EGFLAM: variants seen among roughly 807,000 people sequenced by gnomAD.
EGFLAM encodes the protein EGF like, fibronectin type III and laminin G domains, also known as pikachurin.
A neutral mutation model predicts 113.1 loss-of-function variants in EGFLAM; 79 were observed. That is an observed-to-expected ratio of 0.70 (90% CI 0.58 to 0.84). The LOEUF (loss-of-function observed/expected upper bound fraction) is 0.84, where lower values mean the gene tolerates loss of function less well. Among genes scored for constraint, EGFLAM ranks in the 40% least tolerant of loss-of-function variants. The pLI is 0.00. For missense variants in EGFLAM, 1,265 were observed against 1,291.6 expected (o/e 0.98, Z 0.32); for synonymous variants, 504 against 487.6 (o/e 1.03, Z -0.44).
chr5:38,448,258 A>G, intron 17 of EGFLAM, 43 bp from the exon 18 acceptor site: 3 of 1,608,548 alleles, frequency 1.9e-6, no homozygotes, highest in Admixed American at 1.7e-5. Flanking sequence ...AGGGGTCAAG[A>G]GAACCACATA....
intron 6 of EGFLAM, chr5:38,403,508 A>G (rs943199480): frequency 1.2e-5 from 3 of 241,876 alleles, no homozygotes; most frequent in Admixed American, 4.6e-5. Context: ...GGTTACTGGA[A>G]CATAAGCACT....
intron 3 of EGFLAM, among the ~76,000 whole-genome samples, chr5:38,347,238 G>T (rs530449534): frequency 8.5e-5 from 13 of 152,252 alleles, no homozygotes; most frequent in African/African-American, 2.9e-4. Flanking sequence ...ATCTTGGCTT[G>T]ATTTCTTTCT....
At chr5:38,385,485 G>T (rs1579851323) in intron 6 of EGFLAM, among the ~76,000 whole-genome samples, 1 of 152,110 alleles carries the variant, frequency 6.6e-6, no homozygotes, top group East Asian at 1.9e-4. Flanking sequence ...AGGGAATAAT[G>T]ACAATAAAAT....
intron 1 of EGFLAM, among the ~76,000 whole-genome samples, chr5:38,272,066 A>G (rs566009696): frequency 2.6e-5 from 4 of 152,344 alleles, no homozygotes; most frequent in Admixed American, 6.5e-5. Flanking sequence ...TGATTCAGAG[A>G]AGTGAATGCC....
chr5:38,289,962 C>A (rs1301990437), intron 1 of EGFLAM, among the ~76,000 whole-genome samples: 1 of 152,208 alleles, frequency 6.6e-6, no homozygotes, highest in Non-Finnish European at 1.5e-5. Context: ...CTCTGTCAGG[C>A]ACTTTGCTAG....
In EGFLAM at chr5:38,350,561, A is replaced by C. The variant is rs751324380; in HGVS notation, c.352A>C (p.Ser118Arg). 6.2e-7 allele frequency: 1 copy of C among 1,614,142 alleles called. No homozygotes were observed. Among genetic ancestry groups the C allele is most frequent in the Non-Finnish European group, 8.5e-7 (1 of 1,179,984 alleles). ...TEYRVSIAAY[S>R]QAGKGRLSSP... is the part of the protein sequence containing the mutation. Reference sequence around the variant, plus strand: ...ATATCGTGTGAGCATAGCAGCTTACAGCCAGGCTGGCAAAGGGCGGCTGAG... The same window carrying C: ...ATATCGTGTGAGCATAGCAGCTTACCGCCAGGCTGGCAAAGGGCGGCTGAG... Residue 118 changes from serine to arginine, a missense_variant, in exon 4 of 22, where the codon AGC (serine) becomes CGC (arginine). By Grantham distance (110) the Ser-to-Arg change is moderately radical. Coordinates refer to ENST00000322350, the MANE Select transcript of EGFLAM (RefSeq NM_152403.4).
intron 1 of EGFLAM, among the ~76,000 whole-genome samples, chr5:38,289,491 T>C (rs1758255855): frequency 6.6e-6 from 1 of 152,218 alleles, no homozygotes; most frequent in South Asian, 2.1e-4. Context: ...TATAAGAGAC[T>C]GATCTCTGAA....
At chr5:38,345,282 C>G (rs555663735) in intron 3 of EGFLAM, 1 of 152,026 alleles carries the variant, frequency 6.6e-6, no homozygotes, top group Admixed American at 6.6e-5. Context: ...GAAATGATGG[C>G]GTACAGAGAT....
chr5:38,318,751 G>T (rs1273979356), intron 1 of EGFLAM, among the ~76,000 whole-genome samples: 1 of 152,014 alleles, frequency 6.6e-6, no homozygotes. Context: ...TGATCTACCC[G>T]CATCGGCCTC....
intron 4 of EGFLAM, among the ~76,000 whole-genome samples, chr5:38,351,309 A>G (rs966547520): frequency 6.6e-6 from 1 of 151,978 alleles, no homozygotes; most frequent in African/African-American, 2.4e-5. Context: ...GGGTTTCACC[A>G]TATTGGCCAG....
At chr5:38,373,361 T>C (rs1015953830) in intron 6 of EGFLAM, among the ~76,000 whole-genome samples, 3 of 152,214 alleles carry the variant, frequency 2.0e-5, no homozygotes, top group Non-Finnish European at 2.9e-5. Flanking sequence ...ATCACCCAAA[T>C]AGTGACCATT....
intron 1 of EGFLAM, among the ~76,000 whole-genome samples, chr5:38,288,862 G>C (rs1579730242): frequency 6.6e-6 from 1 of 152,270 alleles, no homozygotes; most frequent in Non-Finnish European, 1.5e-5. Context: ...ATATTGGGGT[G>C]GTTTTGAGTG....
chr5:38,340,619 T>G (rs1379540639), intron 3 of EGFLAM, among the ~76,000 whole-genome samples: 4 of 152,142 alleles, frequency 2.6e-5, no homozygotes, highest in Non-Finnish European at 5.9e-5. Flanking sequence ...TGCTGCTTAG[T>G]AGACAGGGTT....
intron 1 of EGFLAM, among the ~76,000 whole-genome samples, chr5:38,259,659 T>G (rs1404374940): frequency 6.6e-6 from 1 of 152,274 alleles, no homozygotes; most frequent in African/African-American, 2.4e-5. Context: ...TATTACTTTT[T>G]GCTGGGACCA....
At chr5:38,403,908 G>A (rs1038637015) in intron 6 of EGFLAM, 8 of 1,613,734 alleles carry the variant, frequency 5.0e-6, no homozygotes, top group Admixed American at 1.7e-5. Context: ...ATCTGGCATC[G>A]ACAGGTTGAA....
At chr5:38,352,467 T>G in intron 5 of EGFLAM, 136 bp downstream of exon 5, 1 of 1,135,516 alleles carries the variant, frequency 8.8e-7, no homozygotes, top group African/African-American at 1.6e-5. Flanking sequence ...ACCAACATGG[T>G]GAAACCCCGT....
intron 6 of EGFLAM, among the ~76,000 whole-genome samples, chr5:38,386,634 G>A (rs1378473072): frequency 6.6e-6 from 1 of 152,178 alleles, no homozygotes; most frequent in African/African-American, 2.4e-5. Context: ...AGCCTCCCAA[G>A]TAGCTGGGAC....
rs1289175883 is a variant in EGFLAM, at chr5:38,431,194, C to T, written c.2072C>T (p.Thr691Ile). 6.2e-7 allele frequency: 1 copy of T among 1,614,146 alleles called. No individual in the cohort carries two copies. The highest frequency in any genetic ancestry group is 8.5e-7 in the Non-Finnish European group (1 of 1,180,008). The change falls in exon 15 of 22, where the codon ACC becomes ATC. Residue 691 changes from threonine (T) to isoleucine (I), a missense_variant. Physicochemically the swap from Thr to Ile is moderately conservative, Grantham distance 89. Transcript: ENST00000322350. ...TGVLRSEDPLTLGNWHELRVS... is the reference protein window; with the variant it reads ...TGVLRSEDPLILGNWHELRVS... ...TTCCACAGGAGTGAAGATCCCCTCA[C>T]CCTGGGCAACTGGCACGAGCTTCGT...
At position 38,435,230 on chromosome 5, in the gene EGFLAM, C is replaced by A. The variant is rs1194968562; in HGVS notation, c.2260C>A (p.Pro754Thr). 3.7e-6 allele frequency: 6 copies of A among 1,613,950 alleles called. No individual in the cohort carries two copies. Among genetic ancestry groups the A allele is most frequent in the Non-Finnish European group, 4.2e-6 (5 of 1,179,980 alleles). ...GAAGAAGAACTCGGGTGTCCTGAAG[C>A]CTTTCAGCGGGAGCATCCAGAAGGT... The part of the protein sequence containing the change: ...DVKKNSGVLK[P>T]FSGSIQKIIL... Residue 754 changes from proline to threonine, a missense_variant, in exon 16 of 22, where the codon CCT (proline) becomes ACT (threonine). Physicochemically the swap from Pro to Thr is conservative, Grantham distance 38. Coordinates refer to ENST00000322350, the MANE Select transcript of EGFLAM (RefSeq NM_152403.4).
Sources: gnomAD v4.1 joint callset for allele counts (sites outside exome capture counted in the v4.1 genomes callset) on GRCh38, gnomAD v4.1.1 for gene constraint, MANE v1.5 for transcripts, NCBI Gene and HGNC (gene_info 2026-07-23, HGNC 2026-07-21) for gene names.